The following UBTD2 variants were observed in gnomAD, a reference collection of about 807,000 sequenced individuals.
The protein encoded by UBTD2 is ubiquitin domain containing 2, also known as ubiquitin domain-containing protein 2.
UBTD2 carries 9 observed loss-of-function variants against 19.8 expected under a neutral mutation model. The observed-to-expected ratio is 0.46, with a 90% confidence interval of 0.27 to 0.79. The LOEUF is 0.79. Ranked by LOEUF, UBTD2 falls within the 30% of genes least tolerant of loss-of-function variation. The pLI is 0.14. For synonymous variants in UBTD2, 98 were observed against 103.9 expected, an observed-to-expected ratio of 0.94 and a Z score of 0.35; for missense variants, 250 against 300.4, an observed-to-expected ratio of 0.83 and a Z score of 1.24.
chr5:172,216,633 A>G, intron 2 of UBTD2, among the ~76,000 whole-genome samples: 1 of 142,060 alleles, frequency 7.0e-6, no homozygotes. Context: ...AGAGGGGGGA[A>G]AAAACAGCTT....
chr5:172,223,614 AAAAG>A (rs1166738850), intron 2 of UBTD2, among the ~76,000 whole-genome samples: 68 of 149,246 alleles, frequency 4.6e-4, no homozygotes, highest in Middle Eastern at 3.5e-3. Flanking sequence ...AAAAAAAAAA[AAAAG>A]CACACTTAGG....
rs555488570 is a variant in UBTD2, at chr5:172,275,031, G to A, written c.70+8565C>T. 1.4e-4 allele frequency among the ~76,000 whole-genome samples: 22 copies of A among 152,152 alleles called. No individual in the cohort carries two copies. In the South Asian group the frequency reaches 3.1e-3, roughly 22 times the overall value. On this transcript the variant is annotated intron_variant, in intron 1 of 2. Coordinates refer to ENST00000393792, the MANE Select transcript of UBTD2 (RefSeq NM_152277.3). ...AGCCTGTGCAACAGAGCGAGACTCC[G>A]TCTCAAAAACAAAGAACTGCCTGAG...
At chr5:172,214,315 A>G (rs1353965392) in intron 2 of UBTD2, among the ~76,000 whole-genome samples, 2 of 152,254 alleles carry the variant, frequency 1.3e-5, no homozygotes, top group East Asian at 3.8e-4. Context: ...AATGGTCATC[A>G]ACCCACCACA....
At chr5:172,260,205 T>C (rs1755239925) in intron 1 of UBTD2, among the ~76,000 whole-genome samples, 1 of 152,222 alleles carries the variant, frequency 6.6e-6, no homozygotes. Context: ...TTTTATACTT[T>C]CTACTTACTA....
chr5:172,241,413 TAAAAAA>T (rs1175413571), intron 1 of UBTD2, among the ~76,000 whole-genome samples: 1 of 118,284 alleles, frequency 8.5e-6, no homozygotes, highest in South Asian at 2.7e-4. Context: ...CTGTCTCAAT[TAAAAAA>T]AAAAAAAAAA....
At chr5:172,266,872 T>C (rs538492720) in intron 1 of UBTD2, among the ~76,000 whole-genome samples, 2 of 151,930 alleles carry the variant, frequency 1.3e-5, no homozygotes, top group African/African-American at 4.8e-5. Context: ...ACACCATCTA[T>C]ACAAAAAAAA....
Position 172,212,178 on chromosome 5 carries a change from T to C in UBTD2, c.357A>G (p.Pro119=). ...TGATTGGCGGTGCCAAGCAATACAC[T>C]GGAAGCTGATATCTGTTCCCCAGTT... ...YDELGNRYQL[P]VYCLAPPINM... The change falls in exon 3 of 3, where the codon CCA becomes CCG. Residue 119 remains proline (P), a synonymous_variant. Coordinates refer to ENST00000393792, the MANE Select transcript of UBTD2 (RefSeq NM_152277.3). 14 of 1,613,754 alleles carry C rather than the reference T, an allele frequency of 8.7e-6. No individual in the cohort carries two copies. The highest frequency in any genetic ancestry group is 1.2e-5 in the Non-Finnish European group (14 of 1,179,648).
intron 2 of UBTD2, among the ~76,000 whole-genome samples, chr5:172,225,933 C>CT (rs57155195): frequency 0.036 from 3,846 of 107,354 alleles, 317 homozygotes; most frequent in African/African-American, 0.11. Flanking sequence ...GGCTTAAACT[C>CT]TTTTTTTTTT....
At chr5:172,245,642 G>C (rs984132796) in intron 1 of UBTD2, among the ~76,000 whole-genome samples, 1 of 151,758 alleles carries the variant, frequency 6.6e-6, no homozygotes, top group African/African-American at 2.4e-5. Context: ...AACCCTGGAG[G>C]CAGAGGCTGC....
chr5:172,221,844 G>T (rs1387860482), intron 2 of UBTD2, among the ~76,000 whole-genome samples: 3 of 152,084 alleles, frequency 2.0e-5, no homozygotes, highest in Non-Finnish European at 2.9e-5. Context: ...CCTGAACTAT[G>T]GACTTCTGAG....
chr5:172,281,728 C>A (rs936588102), intron 1 of UBTD2, among the ~76,000 whole-genome samples: 4 of 152,068 alleles, frequency 2.6e-5, no homozygotes, highest in Admixed American at 2.6e-4. Context: ...AGAATAAAAG[C>A]GTCCATAATC....
At chr5:172,254,750 C>T (rs995330369) in intron 1 of UBTD2, 20 of 407,956 alleles carry the variant, frequency 4.9e-5, no homozygotes, top group Admixed American at 8.1e-5. Context: ...ACACTGAGTT[C>T]ATTAAGGGGG....
intron 1 of UBTD2, among the ~76,000 whole-genome samples, chr5:172,265,987 G>A (rs533969562): frequency 1.1e-3 from 173 of 151,222 alleles, no homozygotes; most frequent in African/African-American, 4.1e-3. Context: ...AGGCTGGAGT[G>A]CAGTGGCATG....
At chr5:172,255,580 C>T (rs1755124606) in intron 1 of UBTD2, 1 of 255,718 alleles carries the variant, frequency 3.9e-6, no homozygotes, top group Admixed American at 3.6e-5. Context: ...GCGTTGACGG[C>T]AGGGGACAAG....
chr5:172,236,941 T>C (rs914110231), intron 1 of UBTD2, among the ~76,000 whole-genome samples: 8 of 152,052 alleles, frequency 5.3e-5, no homozygotes, highest in Non-Finnish European at 1.0e-4. Context: ...CTTGGAAAAA[T>C]TGTAAAACAC....
intron 1 of UBTD2, among the ~76,000 whole-genome samples, chr5:172,271,056 T>C (rs1467639518): frequency 6.6e-6 from 1 of 152,170 alleles, no homozygotes; most frequent in African/African-American, 2.4e-5. Flanking sequence ...CTATGTTTTT[T>C]CGTATCTCTG....
Position 172,210,408 on chromosome 5 carries a change from T to A in UBTD2, c.*1422A>T, listed in dbSNP as rs1175441438. On this transcript the variant is annotated 3_prime_UTR_variant, in exon 3 of 3. Coordinates refer to ENST00000393792, the MANE Select transcript of UBTD2 (RefSeq NM_152277.3). ...TTCTTGTCTGTACTTTTCCATCTCA[T>A]GGATTCTCAGGGGCACAGTGGTCAC... is the stretch of plus-strand genomic sequence containing the variant. The A allele has an allele frequency of 6.6e-6, 1 of 152,204 alleles. No individual in the cohort carries two copies. Among genetic ancestry groups the A allele is most frequent in the African/African-American group, 2.4e-5 (1 of 41,452 alleles). The allele number at this position is 152,204 out of a possible 1,614,324, so 9.4% of individuals were successfully genotyped here.
At chr5:172,262,801 C>G (rs1488733868) in intron 1 of UBTD2, among the ~76,000 whole-genome samples, 1 of 152,072 alleles carries the variant, frequency 6.6e-6, no homozygotes, top group Non-Finnish European at 1.5e-5. Flanking sequence ...GGTGACAGAG[C>G]AAGACTCATC....
intron 1 of UBTD2, among the ~76,000 whole-genome samples, chr5:172,281,633 A>ATT (rs1755719016): frequency 7.5e-6 from 1 of 132,680 alleles, no homozygotes; most frequent in East Asian, 2.4e-4. Context: ...ATTAAGCAAT[A>ATT]ATTTTTTTTA....
Sources: gnomAD v4.1 joint callset for allele counts (sites outside exome capture counted in the v4.1 genomes callset) on GRCh38, gnomAD v4.1.1 for gene constraint, MANE v1.5 for transcripts, NCBI Gene and HGNC (gene_info 2026-07-23, HGNC 2026-07-21) for gene names.